The following TEAD1 variants were observed in gnomAD, a reference collection of about 807,000 sequenced individuals.
TEAD1 encodes TEA domain transcription factor 1.
In TEAD1, 9 loss-of-function variants were observed where a neutral mutation model predicts 54.9. That is an observed-to-expected ratio of 0.16 (90% CI 0.10 to 0.29). The LOEUF is 0.29. Ranked by LOEUF, TEAD1 falls within the 10% of genes least tolerant of loss-of-function variation. TEAD1 has a pLI of 1.00. For synonymous variants in TEAD1, 200 were observed against 187.8 expected, an observed-to-expected ratio of 1.07 and a Z score of -0.53; for missense variants, 387 against 535.9, an observed-to-expected ratio of 0.72 and a Z score of 2.74.
At chr11:12,868,528 T>C (rs527268784) in intron 5 of TEAD1, among the ~76,000 whole-genome samples, 1 of 152,324 alleles carries the variant, frequency 6.6e-6, no homozygotes, top group East Asian at 1.9e-4. Flanking sequence ...GCTACAAAAG[T>C]TACTCTCCTG....
intron 3 of TEAD1, among the ~76,000 whole-genome samples, chr11:12,832,333 A>G (rs577211149): frequency 1.1e-4 from 17 of 152,380 alleles, no homozygotes; most frequent in African/African-American, 4.1e-4. Context: ...AGGGTTATAA[A>G]TACGGCATAG....
chr11:12,893,050 A>G (rs1948230644), intron 9 of TEAD1, among the ~76,000 whole-genome samples: 1 of 152,190 alleles, frequency 6.6e-6, no homozygotes, highest in Non-Finnish European at 1.5e-5. Context: ...AAGGTTAAGC[A>G]ACTTGCCTCA....
intron 2 of TEAD1, among the ~76,000 whole-genome samples, chr11:12,714,703 G>A (rs565163886): frequency 1.3e-5 from 2 of 152,280 alleles, no homozygotes; most frequent in East Asian, 3.9e-4. Flanking sequence ...TTTGCTCATG[G>A]TTCTGGAGGC....
At chr11:12,815,066 C>T (rs1405075194) in intron 3 of TEAD1, among the ~76,000 whole-genome samples, 4 of 152,128 alleles carry the variant, frequency 2.6e-5, no homozygotes, top group East Asian at 1.9e-4. Flanking sequence ...AAGGGAAAGA[C>T]GCAGGCAAGC....
chr11:12,917,209 T>C (rs1004774477), intron 10 of TEAD1, among the ~76,000 whole-genome samples: 2 of 151,946 alleles, frequency 1.3e-5, no homozygotes, highest in African/African-American at 4.8e-5. Flanking sequence ...CAGCTGGCAA[T>C]GTGAGAAGGA....
rs370592985 is a variant in TEAD1 at position 12,921,519 on chromosome 11, CAA to C, written c.874-3392_874-3391del. 1.6e-3 allele frequency among the ~76,000 whole-genome samples: 183 copies of C among 116,418 alleles called. 1 individual carries two copies. In the East Asian group the frequency reaches 0.035, roughly 23 times the overall value. 76.4% of individuals were successfully genotyped at this position (116,418 alleles called of 152,430 possible). ...CGTGCCATTGCACTCCAGTCTGCAA[CAA>C]GAGCAAAACTCCATCTCAAAAAAAA... On this transcript the variant is annotated intron_variant, in intron 10 of 12. Transcript: ENST00000527636.
intron 3 of TEAD1, among the ~76,000 whole-genome samples, chr11:12,845,794 C>A (rs1947133748): frequency 6.6e-6 from 1 of 152,234 alleles, no homozygotes; most frequent in Non-Finnish European, 1.5e-5. Context: ...GTGTTTGAAT[C>A]TTTCCCAGTA....
At chr11:12,776,923 T>G (rs1945434968) in intron 3 of TEAD1, among the ~76,000 whole-genome samples, 1 of 151,938 alleles carries the variant, frequency 6.6e-6, no homozygotes, top group Non-Finnish European at 1.5e-5. Context: ...GCCTCCGCAG[T>G]GGCTGGGATT....
intron 3 of TEAD1, among the ~76,000 whole-genome samples, chr11:12,846,439 A>T (rs1353914343): frequency 1.3e-5 from 2 of 151,588 alleles, no homozygotes; most frequent in Non-Finnish European, 2.9e-5. Flanking sequence ...GGATAATTTC[A>T]CTCTGAGATA....
intron 3 of TEAD1, among the ~76,000 whole-genome samples, chr11:12,792,024 G>A (rs1945813338): frequency 6.6e-6 from 1 of 152,156 alleles, no homozygotes; most frequent in Non-Finnish European, 1.5e-5. Context: ...AAGGATAGGT[G>A]GGCACTTAGA....
At chr11:12,905,996 C>T (rs1413657406) in intron 10 of TEAD1, among the ~76,000 whole-genome samples, 2 of 152,028 alleles carry the variant, frequency 1.3e-5, no homozygotes, top group African/African-American at 4.8e-5. Context: ...TGGTGATGAG[C>T]CAAGTAGTAG....
intron 2 of TEAD1, among the ~76,000 whole-genome samples, chr11:12,744,864 C>T (rs1446337651): frequency 1.3e-5 from 2 of 152,160 alleles, no homozygotes; most frequent in Non-Finnish European, 2.9e-5. Flanking sequence ...GTTGAGGCAC[C>T]TGGCTCCCCC....
chr11:12,712,765 G>T (rs1943971162), intron 2 of TEAD1, among the ~76,000 whole-genome samples: 1 of 152,184 alleles, frequency 6.6e-6, no homozygotes, highest in Non-Finnish European at 1.5e-5. Flanking sequence ...ATCAAATCCA[G>T]TATCTTTGGG....
intron 9 of TEAD1, among the ~76,000 whole-genome samples, chr11:12,890,615 A>G (rs934244013): frequency 2.6e-5 from 4 of 152,178 alleles, no homozygotes; most frequent in African/African-American, 4.8e-5. Context: ...ATCCCTGAAC[A>G]TACTGAGCAC....
intron 2 of TEAD1, among the ~76,000 whole-genome samples, chr11:12,693,447 G>A (rs1943506569): frequency 6.6e-6 from 1 of 152,206 alleles, no homozygotes; most frequent in South Asian, 2.1e-4. Context: ...GATATTTAGA[G>A]TCACAACCCC....
At chr11:12,724,043 A>C (rs1448758165) in intron 2 of TEAD1, among the ~76,000 whole-genome samples, 2 of 152,166 alleles carry the variant, frequency 1.3e-5, no homozygotes, top group African/African-American at 2.4e-5. Context: ...TGATTGAAAC[A>C]CATTCCCCTT....
rs981916977 is a variant in TEAD1, at chr11:12,921,283, T to A, written c.874-3629T>A. On this transcript the variant is annotated intron_variant, in intron 10 of 12. Transcript: ENST00000527636. ...CAGGCATGGTGGCTTAGGCCTGTAA[T>A]CCCAGCACTTTGGGAGGCCGAGGTG... The A allele has an allele frequency of 4.6e-5, 7 of 152,222 alleles. No homozygotes were observed. The South Asian group carries it at 8.3e-4, about 18-fold the overall frequency. The allele number at this position is 152,222 out of a possible 1,614,324, so 9.4% of individuals were successfully genotyped here.
chr11:12,834,235 T>C (rs1590195690), intron 3 of TEAD1, among the ~76,000 whole-genome samples: 1 of 152,228 alleles, frequency 6.6e-6, no homozygotes, highest in Non-Finnish European at 1.5e-5. Context: ...ATATGAGTTA[T>C]GTGGAATAGA....
rs1207595872 is a variant in TEAD1 at position 12,904,202 on chromosome 11, G to GA, written c.873+2098dup. On this transcript the variant is annotated intron_variant, in intron 10 of 12. Transcript: ENST00000527636. The stretch of plus-strand genomic sequence containing the variant: ...CTTTGCTGCTAAAATTCATGCAGTT[G>GA]AAAAAAAAAGTCCTTCATGAATTTT... Among the ~76,000 whole-genome samples the GA allele has an allele frequency of 8.0e-5, 12 of 150,700 alleles. 1 individual carries two copies. In the East Asian group the frequency reaches 1.6e-3, roughly 19 times the overall value.
Sources: gnomAD v4.1 joint callset for allele counts (sites outside exome capture counted in the v4.1 genomes callset) on GRCh38, gnomAD v4.1.1 for gene constraint, MANE v1.5 for transcripts, NCBI Gene and HGNC (gene_info 2026-07-23, HGNC 2026-07-21) for gene names.